HPSE2: variants seen among roughly 807,000 people sequenced by gnomAD.
HPSE2 encodes heparanase 2 (inactive).
Under a neutral mutation model 60.5 loss-of-function variants are expected in HPSE2, and 38 were observed. The ratio of observed to expected loss-of-function variants is 0.63; its 90% CI spans 0.48 to 0.82. The LOEUF is 0.82. HPSE2 is among the 40% of genes least tolerant of loss of function. HPSE2 has a pLI of 0.00. For missense variants in HPSE2, 713 were observed against 740.4 expected (o/e 0.96, Z 0.43); for synonymous variants, 295 against 293.2 (o/e 1.01, Z -0.06).
chr10:98,701,617 G>T (rs1263960115), intron 5 of HPSE2, among the ~76,000 whole-genome samples: 1 of 147,416 alleles, frequency 6.8e-6, no homozygotes, highest in African/African-American at 2.5e-5. Flanking sequence ...TTGTGCACAT[G>T]TACCCTAAAA....
chr10:98,745,941 C>A (rs1394161274), intron 3 of HPSE2, among the ~76,000 whole-genome samples: 1 of 152,078 alleles, frequency 6.6e-6, no homozygotes, highest in Non-Finnish European at 1.5e-5. Flanking sequence ...TAAAAAAGAA[C>A]CATTATCATT....
chr10:98,666,594 G>A (rs1331996055), intron 6 of HPSE2, among the ~76,000 whole-genome samples: 1 of 152,072 alleles, frequency 6.6e-6, no homozygotes, highest in African/African-American at 2.4e-5. Flanking sequence ...CTCTTGAACT[G>A]CAGTACAATA....
At chr10:99,242,073 G>C in the HPSE2 span, among the ~76,000 whole-genome samples, 1 of 152,150 alleles carries the variant, frequency 6.6e-6, no homozygotes, top group Admixed American at 6.5e-5. Flanking sequence ...ACTAGGAAAG[G>C]GAAAACAGGA....
intron 3 of HPSE2, among the ~76,000 whole-genome samples, chr10:98,761,785 G>C (rs1330879349): frequency 6.6e-6 from 1 of 152,158 alleles, no homozygotes; most frequent in Admixed American, 6.5e-5. Context: ...TGTAATGAAG[G>C]TGAGTTTCAT....
chr10:98,590,655 AC>A (rs1215426324), intron 9 of HPSE2, among the ~76,000 whole-genome samples: 1 of 152,192 alleles, frequency 6.6e-6, no homozygotes, highest in African/African-American at 2.4e-5. Context: ...AAATCTGTAC[AC>A]CAGGATTAGA....
chr10:98,934,818 T>C lies in HPSE2; in HGVS notation c.611-190762A>G, dbSNP rs1012997838. 1.4e-5 allele frequency among the ~76,000 whole-genome samples: 2 copies of C among 143,856 alleles called. 1 individual carries two copies. Among genetic ancestry groups the C allele is most frequent in the African/African-American group, 5.7e-5 (2 of 35,320 alleles). The allele number at this position is 143,856 out of a possible 152,430, so 94.4% of individuals were successfully genotyped here. On this transcript the variant is annotated intron_variant, in intron 3 of 11. Transcript: ENST00000370552. ...CTTTGGATTTCCTGAATTTGAATAT[T>C]GGCCTGTCTTGCTAGGTTGGGGAAG...
chr10:99,164,157 C>A (rs999795447), intron 2 of HPSE2, among the ~76,000 whole-genome samples: 9 of 143,784 alleles, frequency 6.3e-5, no homozygotes, highest in African/African-American at 2.3e-4. Flanking sequence ...AATCCCTCTA[C>A]ATTTATTAAT....
At chr10:98,633,641 T>A (rs369622137) in intron 7 of HPSE2, among the ~76,000 whole-genome samples, 16 of 152,244 alleles carry the variant, frequency 1.1e-4, no homozygotes, top group African/African-American at 3.6e-4. Flanking sequence ...GAGTCTTCTG[T>A]TATGTTATCA....
At chr10:98,969,751 T>G (rs1012607900) in intron 3 of HPSE2, among the ~76,000 whole-genome samples, 3 of 152,132 alleles carry the variant, frequency 2.0e-5, no homozygotes, top group African/African-American at 7.2e-5. Context: ...ATTCTTGCAT[T>G]GCTATGAAGA....
intron 3 of HPSE2, among the ~76,000 whole-genome samples, chr10:98,881,643 T>C (rs552171038): frequency 6.6e-6 from 1 of 152,178 alleles, no homozygotes; most frequent in South Asian, 2.1e-4. Flanking sequence ...AATTAGACCA[T>C]ATATAACTAT....
At chr10:99,070,214 A>C (rs1279819094) in intron 3 of HPSE2, among the ~76,000 whole-genome samples, 2 of 152,238 alleles carry the variant, frequency 1.3e-5, no homozygotes, top group African/African-American at 4.8e-5. Flanking sequence ...TTTGCAAATC[A>C]CATATCTGAC....
chr10:98,797,716 C>T (rs921606582), intron 3 of HPSE2, among the ~76,000 whole-genome samples: 7 of 151,820 alleles, frequency 4.6e-5, no homozygotes, highest in Admixed American at 2.6e-4. Context: ...TGGTGGTGGG[C>T]GTCTGTAGTC....
At chr10:98,623,827 A>C (rs1358426204) in intron 7 of HPSE2, among the ~76,000 whole-genome samples, 2 of 150,938 alleles carry the variant, frequency 1.3e-5, no homozygotes, top group African/African-American at 2.5e-5. Context: ...AATTTAAAAC[A>C]ACAAGTATGG....
chr10:98,925,505 G>A (rs376264958), intron 3 of HPSE2, among the ~76,000 whole-genome samples: 4 of 152,124 alleles, frequency 2.6e-5, no homozygotes, highest in Middle Eastern at 3.4e-3. Context: ...TGAGCAGGTG[G>A]GTAAGTTCCA....
At chr10:98,966,524 A>C (rs1955818501) in intron 3 of HPSE2, among the ~76,000 whole-genome samples, 1 of 152,168 alleles carries the variant, frequency 6.6e-6, no homozygotes, top group South Asian at 2.1e-4. Flanking sequence ...AAGACTTCAG[A>C]AGTAGCAGCA....
At chr10:99,133,058 G>A (rs1158592084) in intron 3 of HPSE2, among the ~76,000 whole-genome samples, 1 of 152,206 alleles carries the variant, frequency 6.6e-6, no homozygotes, top group African/African-American at 2.4e-5. Context: ...TTGGTGAGGT[G>A]AGGGGCGTCT....
At position 98,721,829 on chromosome 10, in the gene HPSE2, C is replaced by G. The variant is rs764525186; in HGVS notation, c.785-1G>C. 3.1e-6 allele frequency: 5 copies of G among 1,612,186 alleles called. No individual in the cohort carries two copies. The highest frequency in any genetic ancestry group is 4.2e-6 in the Non-Finnish European group (5 of 1,179,422). ...TGCATGGTCCGATAGTTATTTGGCTCTAGATTAAAAGCAGACATGTAAGTC... is the reference window on the plus strand; with the variant it reads ...TGCATGGTCCGATAGTTATTTGGCTGTAGATTAAAAGCAGACATGTAAGTC... On this transcript the variant is annotated splice_acceptor_variant, in intron 4 of 11. Coordinates refer to ENST00000370552, the MANE Select transcript of HPSE2 (RefSeq NM_021828.5). LOFTEE classifies it high-confidence loss of function.
At chr10:99,125,758 G>C (rs1845138693) in intron 3 of HPSE2, among the ~76,000 whole-genome samples, 1 of 152,184 alleles carries the variant, frequency 6.6e-6, no homozygotes, top group Admixed American at 6.5e-5. Flanking sequence ...AATGGATTTA[G>C]GGAACCATGC....
chr10:98,767,700 T>C (rs1004566411), intron 3 of HPSE2, among the ~76,000 whole-genome samples: 1 of 145,576 alleles, frequency 6.9e-6, no homozygotes, highest in Admixed American at 6.9e-5. Context: ...TTTTTATACA[T>C]GATATATAAT....
Sources: gnomAD v4.1 joint callset for allele counts (sites outside exome capture counted in the v4.1 genomes callset) on GRCh38, gnomAD v4.1.1 for gene constraint, MANE v1.5 for transcripts, NCBI Gene and HGNC (gene_info 2026-07-23, HGNC 2026-07-21) for gene names.